The following CPEB1 variants were observed in gnomAD, a reference collection of about 807,000 sequenced individuals.
CPEB1 encodes cytoplasmic polyadenylation element binding protein 1.
A neutral mutation model predicts 65.8 loss-of-function variants in CPEB1; 7 were observed. The ratio of observed to expected loss-of-function variants is 0.11; its 90% CI spans 0.06 to 0.20. The LOEUF (loss-of-function observed/expected upper bound fraction) is 0.20, where lower values mean the gene tolerates loss of function less well. CPEB1 is among the 10% of genes least tolerant of loss of function. The pLI, the probability that CPEB1 is intolerant of heterozygous loss-of-function variation, is 1.00. For missense variants in CPEB1, 551 were observed against 712.2 expected (o/e 0.77, Z 2.58); for synonymous variants, 262 against 260.0 (o/e 1.01, Z -0.08).
intron 3 of CPEB1, among the ~76,000 whole-genome samples, chr15:82,615,070 G>A (rs2044583958): frequency 6.6e-6 from 1 of 152,080 alleles, no homozygotes; most frequent in Non-Finnish European, 1.5e-5. Flanking sequence ...GTCTAAAGAG[G>A]AAATTTAAAC....
chr15:82,626,800 T>C (rs568575484), intron 3 of CPEB1, among the ~76,000 whole-genome samples: 8 of 152,346 alleles, frequency 5.3e-5, no homozygotes, highest in African/African-American at 1.9e-4. Context: ...ATCTCATTAA[T>C]AGTTTTCATA....
At chr15:82,550,077 T>C (rs1055539792) in intron 9 of CPEB1, among the ~76,000 whole-genome samples, 14 of 152,254 alleles carry the variant, frequency 9.2e-5, no homozygotes, top group Admixed American at 2.0e-4. Flanking sequence ...GCTAGGATCC[T>C]GAAGGACAGA....
chr15:82,577,486 C>T (rs975193629), intron 3 of CPEB1, among the ~76,000 whole-genome samples: 7 of 152,124 alleles, frequency 4.6e-5, no homozygotes, highest in African/African-American at 1.7e-4. Flanking sequence ...AAGTGAAGGA[C>T]AGACATAGTA....
chr15:82,563,067 G>T (rs1307503418), intron 4 of CPEB1, among the ~76,000 whole-genome samples: 1 of 152,144 alleles, frequency 6.6e-6, no homozygotes, highest in African/African-American at 2.4e-5. Context: ...AGAATGGTAA[G>T]GATTATCATA....
rs145173064 is a variant in CPEB1, at chr15:82,576,091, A to G, written c.272-4559T>C. Among the ~76,000 whole-genome samples, 36 of 152,344 alleles carry G rather than the reference A, an allele frequency of 2.4e-4. No individual in the cohort carries two copies. The East Asian group carries it at 3.3e-3, about 14-fold the overall frequency. ...GTGGATTCAGTCCATGTGAGAATCA[A>G]CAGAACAAAATGTAGTACATGCATA... On this transcript the variant is annotated intron_variant, in intron 3 of 12. Transcript: ENST00000684509.
At chr15:82,580,310 ACT>A (rs544710375) in intron 3 of CPEB1, among the ~76,000 whole-genome samples, 2,549 of 147,452 alleles carry the variant, frequency 0.017, 26 homozygotes, top group Non-Finnish European at 0.025. Flanking sequence ...ACAGAGCAAG[ACT>A]CTGTCTTAAA....
intron 3 of CPEB1, among the ~76,000 whole-genome samples, chr15:82,576,634 T>C (rs4779033): frequency 0.15 from 22,327 of 152,202 alleles, 1,745 homozygotes; most frequent in Non-Finnish European, 0.19. Context: ...CTTTTATGTA[T>C]GCTTGAAAAT....
Position 82,627,289 on chromosome 15 carries a change from T to C in CPEB1, c.175A>G (p.Ile59Val). The C allele has an allele frequency of 5.6e-6, 9 of 1,613,894 alleles. No individual in the cohort carries two copies. Among genetic ancestry groups the C allele is most frequent in the East Asian group, 4.5e-5 (2 of 44,874 alleles). ...AATATGGCATTTATCCTTCGAAAGATATTGGCATTACTACACGTGGAGAGA... is the reference window on the plus strand; with the variant it reads ...AATATGGCATTTATCCTTCGAAAGACATTGGCATTACTACACGTGGAGAGA... ...PALSTCSNAN[I>V]FRRINAILDN... is the part of the protein sequence containing the mutation. Residue 59 changes from isoleucine to valine, a missense_variant, in exon 3 of 13, where the codon ATC becomes GTC. Ile to Val is a conservative substitution (Grantham distance 29). Around this residue, in one of 6 missense-constraint regions of CPEB1, gnomAD observed 223 missense variants for 228.6 expected, o/e 0.98. Transcript: ENST00000684509.
intron 3 of CPEB1, among the ~76,000 whole-genome samples, chr15:82,589,968 C>T (rs1161088707): frequency 6.6e-6 from 1 of 152,100 alleles, no homozygotes. Context: ...TACCATTTTA[C>T]ATCAGGGACT....
chr15:82,619,463 C>A (rs1276624331), intron 3 of CPEB1, among the ~76,000 whole-genome samples: 1 of 152,148 alleles, frequency 6.6e-6, no homozygotes, highest in Non-Finnish European at 1.5e-5. Flanking sequence ...TTTAAGTTTT[C>A]TGTTATTCAA....
intron 1 of CPEB1, among the ~76,000 whole-genome samples, chr15:82,645,060 T>C (rs2047390081): frequency 1.3e-5 from 2 of 152,222 alleles, no homozygotes; most frequent in Non-Finnish European, 2.9e-5. Context: ...CAACCTCTGA[T>C]GTGCTGCACA....
intron 3 of CPEB1, among the ~76,000 whole-genome samples, chr15:82,600,896 T>TC (rs1005566420): frequency 2.7e-5 from 3 of 109,600 alleles, no homozygotes; most frequent in African/African-American, 9.6e-5. Flanking sequence ...CCAGAACTTG[T>TC]CTTTTTTTTT....
intron 3 of CPEB1, among the ~76,000 whole-genome samples, chr15:82,588,119 T>A (rs940385442): frequency 7.0e-5 from 3 of 42,568 alleles, no homozygotes; most frequent in Non-Finnish European, 1.3e-4. Flanking sequence ...TGTTTTTGTA[T>A]TTTTTTTTTG....
chr15:82,612,530 T>C (rs1222272861), intron 3 of CPEB1, among the ~76,000 whole-genome samples: 1 of 149,416 alleles, frequency 6.7e-6, no homozygotes. Flanking sequence ...ACACAGAAAT[T>C]TGAATAATTG....
intron 3 of CPEB1, chr15:82,573,273 A>T: frequency 1.1e-6 from 1 of 950,818 alleles, no homozygotes; most frequent in Admixed American, 2.9e-5. Context: ...TGTGTCATCC[A>T]TCCACGTTAT....
At chr15:82,564,278 T>C (rs2038743462) in intron 4 of CPEB1, among the ~76,000 whole-genome samples, 1 of 148,342 alleles carries the variant, frequency 6.7e-6, no homozygotes, top group South Asian at 2.1e-4. Flanking sequence ...AATGGTTTTT[T>C]TTGTTTTTTT....
chr15:82,627,445 A>G, intron 2 of CPEB1, 78 bp from the exon 3 acceptor site: 1 of 1,128,298 alleles, frequency 8.9e-7, no homozygotes, highest in Non-Finnish European at 1.2e-6. Flanking sequence ...TACGAATTAG[A>G]TAAAGTAGGA....
chr15:82,643,544 G>C (rs1255314501), intron 1 of CPEB1, among the ~76,000 whole-genome samples: 1 of 151,926 alleles, frequency 6.6e-6, no homozygotes, highest in Non-Finnish European at 1.5e-5. Flanking sequence ...CAGAAGAATT[G>C]CTTGAACCCC....
intron 3 of CPEB1, among the ~76,000 whole-genome samples, chr15:82,617,825 T>C (rs938049410): frequency 1.8e-4 from 25 of 136,948 alleles, no homozygotes; most frequent in South Asian, 2.5e-4. Flanking sequence ...GCTCCGCCTC[T>C]CGGGTTCACG....
Sources: allele counts gnomAD v4.1 joint callset (sites outside exome capture counted in the v4.1 genomes callset), GRCh38; gene constraint gnomAD v4.1.1; regional missense constraint gnomAD v4.1.1; transcripts MANE v1.5; gene names NCBI Gene and HGNC (gene_info 2026-07-23, HGNC 2026-07-21).